The following GABBR2 variants were observed in gnomAD, a reference collection of about 807,000 sequenced individuals.
The protein encoded by GABBR2 is G-protein coupled receptor 51.
A neutral mutation model predicts 105.6 loss-of-function variants in GABBR2; 23 were observed. The ratio of observed to expected loss-of-function variants is 0.22; its 90% confidence interval spans 0.16 to 0.31. The LOEUF (loss-of-function observed/expected upper bound fraction) is 0.31, where lower values mean the gene tolerates loss of function less well. GABBR2 is among the 10% of genes least tolerant of loss of function. The pLI, the probability that GABBR2 is intolerant of heterozygous loss-of-function variation, is 1.00. For synonymous variants in GABBR2, 478 were observed against 499.7 expected (o/e 0.96, Z 0.58); for missense variants, 734 against 1,245.5 (o/e 0.59, Z 6.18).
intron 7 of GABBR2, among the ~76,000 whole-genome samples, chr9:98,409,308 T>C (rs1329128868): frequency 6.6e-6 from 1 of 152,130 alleles, no homozygotes; most frequent in African/African-American, 2.4e-5. Context: ...TGGAGAAGAT[T>C]GCACTGTCTG....
chr9:98,562,947 G>C (rs993595002), intron 2 of GABBR2, among the ~76,000 whole-genome samples: 4 of 151,446 alleles, frequency 2.6e-5, no homozygotes, highest in African/African-American at 9.7e-5. Context: ...GTGTGCGCCT[G>C]TAATCCCAGC....
intron 13 of GABBR2, among the ~76,000 whole-genome samples, chr9:98,330,623 G>C (rs1460784473): frequency 6.6e-6 from 1 of 152,160 alleles, no homozygotes; most frequent in Non-Finnish European, 1.5e-5. Context: ...AGTGCATCAT[G>C]CTCCAGTATT....
Position 98,501,128 on chromosome 9 carries a change from C to A in GABBR2, c.631-4614G>T, listed in dbSNP as rs867319883. On this transcript the variant is annotated intron_variant, in intron 3 of 18. Transcript: ENST00000259455. The stretch of plus-strand genomic sequence containing the variant: ...GTGATTAAGACTAGGAACCACTGCC[C>A]CCCCCCCTTCCCCGCCCCCTGCTCC... 2.2e-3 allele frequency among the ~76,000 whole-genome samples: 306 copies of A among 142,300 alleles called. 2 individuals carry two copies. The highest frequency in any genetic ancestry group is 7.4e-3 in the African/African-American group (294 of 39,494). The allele number at this position is 142,300 out of a possible 152,430, so 93.4% of individuals were successfully genotyped here.
chr9:98,593,301 C>A (rs2131797541), intron 1 of GABBR2, among the ~76,000 whole-genome samples: 1 of 152,316 alleles, frequency 6.6e-6, no homozygotes, highest in Non-Finnish European at 1.5e-5. Context: ...AGTGCTTCGA[C>A]CTGATCATGA....
At chr9:98,313,613 T>C (rs532346575) in intron 13 of GABBR2, among the ~76,000 whole-genome samples, 2 of 152,326 alleles carry the variant, frequency 1.3e-5, no homozygotes, top group South Asian at 4.1e-4. Context: ...AGTTGAAGAT[T>C]CCTTTGCAAT....
intron 11 of GABBR2, among the ~76,000 whole-genome samples, chr9:98,377,005 C>A (rs1831886480): frequency 6.6e-6 from 1 of 152,194 alleles, no homozygotes; most frequent in Admixed American, 6.5e-5. Context: ...GCTCAAAGAC[C>A]CGATCACAGG....
intron 7 of GABBR2, among the ~76,000 whole-genome samples, chr9:98,425,917 C>T (rs923009802): frequency 7.2e-5 from 11 of 152,172 alleles, no homozygotes; most frequent in Non-Finnish European, 1.3e-4. Flanking sequence ...TAGGAGGCAG[C>T]GCTGGAGGAT....
At chr9:98,329,979 A>G (rs999601661) in intron 13 of GABBR2, among the ~76,000 whole-genome samples, 1 of 152,100 alleles carries the variant, frequency 6.6e-6, no homozygotes, top group African/African-American at 2.4e-5. Context: ...CAATATTATC[A>G]TATCTATTAA....
chr9:98,699,209 T>C (rs1043248002), intron 1 of GABBR2, among the ~76,000 whole-genome samples: 1 of 152,118 alleles, frequency 6.6e-6, no homozygotes, highest in African/African-American at 2.4e-5. Flanking sequence ...CCTAAAACCA[T>C]AATGCTTCTC....
At chr9:98,644,174 T>G (rs187043139) in intron 1 of GABBR2, among the ~76,000 whole-genome samples, 1 of 152,302 alleles carries the variant, frequency 6.6e-6, no homozygotes, top group Admixed American at 6.5e-5. Context: ...TCTACACAGA[T>G]AGTTGTGGTG....
chr9:98,439,978 C>G (rs1050467854), intron 7 of GABBR2, among the ~76,000 whole-genome samples: 1 of 152,200 alleles, frequency 6.6e-6, no homozygotes, highest in Non-Finnish European at 1.5e-5. Flanking sequence ...GCCAAAGCAC[C>G]ATCATTCCCC....
At chr9:98,551,673 T>A (rs1452763555) in intron 2 of GABBR2, among the ~76,000 whole-genome samples, 3 of 152,174 alleles carry the variant, frequency 2.0e-5, no homozygotes, top group Admixed American at 2.0e-4. Context: ...ATATGTTTCA[T>A]GAGCGTTCAG....
At chr9:98,458,071 T>G (rs574521432) in intron 6 of GABBR2, among the ~76,000 whole-genome samples, 1 of 152,334 alleles carries the variant, frequency 6.6e-6, no homozygotes, top group South Asian at 2.1e-4. Flanking sequence ...CCACAGACAC[T>G]ATGTTATAAA....
intron 17 of GABBR2, among the ~76,000 whole-genome samples, chr9:98,296,270 T>G (rs926154116): frequency 1.3e-5 from 2 of 152,156 alleles, no homozygotes; most frequent in African/African-American, 4.8e-5. Flanking sequence ...GATGCAGCAA[T>G]CCAGGTGCCA....
chr9:98,598,536 T>C (rs1588245030), intron 1 of GABBR2, among the ~76,000 whole-genome samples: 1 of 151,426 alleles, frequency 6.6e-6, no homozygotes, highest in Admixed American at 6.6e-5. Context: ...ACATTTGTTT[T>C]AATTACTGTT....
intron 1 of GABBR2, among the ~76,000 whole-genome samples, chr9:98,694,995 C>A (rs1830730721): frequency 6.6e-6 from 1 of 152,208 alleles, no homozygotes; most frequent in Admixed American, 6.5e-5. Flanking sequence ...CACACAGGAA[C>A]ATCAGAGCAT....
chr9:98,699,859 C>T (rs1241862448), intron 1 of GABBR2, among the ~76,000 whole-genome samples: 1 of 152,186 alleles, frequency 6.6e-6, no homozygotes, highest in Admixed American at 6.5e-5. Flanking sequence ...TGCACTGTTA[C>T]ATAACGCTAG....
chr9:98,668,339 T>G (rs934890832), intron 1 of GABBR2, among the ~76,000 whole-genome samples: 25 of 152,240 alleles, frequency 1.6e-4, no homozygotes, highest in African/African-American at 5.8e-4. Flanking sequence ...GTATCATGCT[T>G]AGGCAAGCCC....
chr9:98,530,225 T>G (rs1482486349), intron 3 of GABBR2, among the ~76,000 whole-genome samples: 2 of 152,124 alleles, frequency 1.3e-5, no homozygotes, highest in Non-Finnish European at 2.9e-5. Flanking sequence ...TAATAAAAAT[T>G]AAATGCAGGA....
Sources: allele counts gnomAD v4.1 joint callset (sites outside exome capture counted in the v4.1 genomes callset), GRCh38; gene constraint gnomAD v4.1.1; transcripts MANE v1.5; gene names NCBI Gene and HGNC (gene_info 2026-07-23, HGNC 2026-07-21).